ACOXL: variants seen among roughly 807,000 people sequenced by gnomAD.
The protein encoded by ACOXL is acyl-CoA oxidase like.
Under a neutral mutation model 71.9 loss-of-function variants are expected in ACOXL, and 70 were observed. That is an observed-to-expected ratio of 0.97 (90% CI 0.80 to 1.19). The LOEUF (loss-of-function observed/expected upper bound fraction) is 1.19. ACOXL is among the 50% of genes most tolerant of loss of function. The pLI, the probability that ACOXL is intolerant of heterozygous loss-of-function variation, is 0.00. For missense variants in ACOXL, 703 were observed against 736.3 expected, an observed-to-expected ratio of 0.95 and a Z score of 0.52; for synonymous variants, 253 against 281.6, an observed-to-expected ratio of 0.90 and a Z score of 1.02.
chr2:111,013,288 G>A (rs1030784787), intron 14 of ACOXL, among the ~76,000 whole-genome samples: 15 of 152,218 alleles, frequency 9.9e-5, no homozygotes, highest in African/African-American at 3.6e-4. Flanking sequence ...ACTTTGGGAG[G>A]CCAAGGCATG....
chr2:111,093,226 C>CA (rs551489527), intron 17 of ACOXL, among the ~76,000 whole-genome samples: 2,697 of 94,074 alleles, frequency 0.029, 37 homozygotes, highest in African/African-American at 0.051. Flanking sequence ...TTGTCTTGGC[C>CA]AAAAAAAAAA....
chr2:111,046,966 A>G (rs4458217), intron 15 of ACOXL, among the ~76,000 whole-genome samples: 5 of 152,198 alleles, frequency 3.3e-5, no homozygotes, highest in African/African-American at 1.2e-4. Flanking sequence ...GTGGGCATGG[A>G]GGCTGGGAAA....
chr2:110,920,258 T>C (rs1458363166), intron 11 of ACOXL, among the ~76,000 whole-genome samples: 1 of 152,224 alleles, frequency 6.6e-6, no homozygotes, highest in Non-Finnish European at 1.5e-5. Context: ...TGATTTTTAT[T>C]TGTTTTCTGT....
intron 11 of ACOXL, among the ~76,000 whole-genome samples, chr2:110,916,224 A>G (rs2059855270): frequency 6.6e-6 from 1 of 150,938 alleles, no homozygotes; most frequent in Non-Finnish European, 1.5e-5. Flanking sequence ...AAAAGAAAAC[A>G]ATTTTTGTGG....
intron 1 of ACOXL, among the ~76,000 whole-genome samples, chr2:110,743,681 A>G (rs1181341709): frequency 6.6e-6 from 1 of 152,118 alleles, no homozygotes; most frequent in Admixed American, 6.5e-5. Context: ...ACTTTGCACC[A>G]TTTCTTTGAG....
intron 12 of ACOXL, among the ~76,000 whole-genome samples, chr2:110,970,599 A>G (rs1429197506): frequency 6.6e-6 from 1 of 152,234 alleles, no homozygotes; most frequent in East Asian, 1.9e-4. Context: ...CTGTTATTCA[A>G]CTAGTGCTAA....
intron 10 of ACOXL, among the ~76,000 whole-genome samples, chr2:110,892,629 C>T (rs182446120): frequency 5.3e-5 from 8 of 152,256 alleles, no homozygotes; most frequent in African/African-American, 1.7e-4. Context: ...ACTGAAGACA[C>T]ATATTCTGTT....
At chr2:110,936,016 C>T (rs567934251) in intron 12 of ACOXL, among the ~76,000 whole-genome samples, 1 of 152,204 alleles carries the variant, frequency 6.6e-6, no homozygotes, top group East Asian at 1.9e-4. Flanking sequence ...GCTGAACTGA[C>T]AGGAGGTGGA....
chr2:111,022,258 G>A (rs1314664916), intron 14 of ACOXL, among the ~76,000 whole-genome samples: 1 of 152,120 alleles, frequency 6.6e-6, no homozygotes, highest in East Asian at 1.9e-4. Flanking sequence ...CCAGCTACTT[G>A]GGAGGCCAAG....
At position 111,117,668 on chromosome 2, in the gene ACOXL, C is replaced by T. The variant is rs2070455014; in HGVS notation, c.1595C>T (p.Thr532Ile). The change falls in exon 18 of 18, where the codon ACC becomes ATC. Residue 532 changes from threonine (T) to isoleucine (I), a missense_variant. By Grantham distance (89) the Thr-to-Ile change is moderately conservative. Coordinates refer to ENST00000439055, the MANE Select transcript of ACOXL (RefSeq NM_001142807.4). The stretch of plus-strand genomic sequence containing the variant: ...GATGATGCCCGGAGGGTGATCTCGA[C>T]CTTTAACATTCCACACACCTACCTC... ...VKDDARRVIS[T>I]FNIPHTYLHA... The T allele has an allele frequency of 1.9e-6, 3 of 1,551,776 alleles. No homozygotes were observed. The East Asian group carries it at 7.3e-5, about 38-fold the overall frequency.
chr2:110,874,954 G>A (rs930818012), intron 10 of ACOXL, among the ~76,000 whole-genome samples: 11 of 152,198 alleles, frequency 7.2e-5, no homozygotes, highest in East Asian at 3.9e-4. Context: ...ATCTGGGAGC[G>A]GGATTCTCAC....
intron 10 of ACOXL, among the ~76,000 whole-genome samples, chr2:110,852,497 A>G (rs1692739411): frequency 6.6e-6 from 1 of 152,236 alleles, no homozygotes; most frequent in Non-Finnish European, 1.5e-5. Flanking sequence ...TAAACTAGCC[A>G]CAGAGAGTTC....
intron 13 of ACOXL, among the ~76,000 whole-genome samples, chr2:110,990,682 T>G (rs1194048270): frequency 2.0e-5 from 3 of 152,212 alleles, no homozygotes; most frequent in Admixed American, 2.0e-4. Context: ...CTAAAGAAGC[T>G]TATACATTTT....
intron 10 of ACOXL, among the ~76,000 whole-genome samples, chr2:110,867,852 T>A (rs1694796758): frequency 6.6e-6 from 1 of 152,142 alleles, no homozygotes; most frequent in Non-Finnish European, 1.5e-5. Context: ...AAGCTCTGCC[T>A]CTTGGGCTCA....
chr2:110,851,627 C>T (rs1573833190), intron 10 of ACOXL, among the ~76,000 whole-genome samples: 2 of 152,198 alleles, frequency 1.3e-5, no homozygotes, highest in East Asian at 3.9e-4. Context: ...TGGGGTGGTG[C>T]AGCCCGAGGC....
chr2:110,749,901 C>T (rs1322953516), intron 1 of ACOXL, among the ~76,000 whole-genome samples: 2 of 152,308 alleles, frequency 1.3e-5, no homozygotes, highest in South Asian at 4.1e-4. Context: ...TTCATGCTTT[C>T]CATGACCTGG....
At chr2:111,052,534 G>T (rs1252399182) in intron 16 of ACOXL, among the ~76,000 whole-genome samples, 1 of 152,134 alleles carries the variant, frequency 6.6e-6, no homozygotes, top group African/African-American at 2.4e-5. Flanking sequence ...GGGGGCTAGG[G>T]AAACGGTACC....
intron 12 of ACOXL, among the ~76,000 whole-genome samples, chr2:110,974,021 G>A (rs925534220): frequency 6.6e-5 from 10 of 152,158 alleles, no homozygotes; most frequent in South Asian, 4.1e-4. Context: ...CGTTGGACCC[G>A]GAGTTTTCTG....
intron 12 of ACOXL, among the ~76,000 whole-genome samples, chr2:110,977,689 C>T (rs186531589): frequency 1.3e-5 from 2 of 152,302 alleles, no homozygotes; most frequent in East Asian, 1.9e-4. Context: ...CAGGACTCCA[C>T]GTGTGAGATT....
Sources: gnomAD v4.1 joint callset for allele counts (sites outside exome capture counted in the v4.1 genomes callset) on GRCh38, gnomAD v4.1.1 for gene constraint, MANE v1.5 for transcripts, NCBI Gene and HGNC (gene_info 2026-07-23, HGNC 2026-07-21) for gene names.